The following CCDC198 variants were observed in gnomAD, a reference collection of about 807,000 sequenced individuals.
The protein encoded by CCDC198 is coiled-coil domain containing 198.
A neutral mutation model predicts 35.6 loss-of-function variants in CCDC198; 18 were observed. The observed-to-expected ratio is 0.51, with a 90% confidence interval of 0.35 to 0.75. The LOEUF is 0.75. Among genes scored for constraint, CCDC198 ranks in the 30% least tolerant of loss-of-function variants. The pLI is 0.01. For missense variants in CCDC198, 365 were observed against 343.7 expected (o/e 1.06, Z -0.49); for synonymous variants, 119 against 113.4 (o/e 1.05, Z -0.31).
chr14:57,485,330 G>C (rs1295972503), intron 2 of CCDC198, among the ~76,000 whole-genome samples: 3 of 152,110 alleles, frequency 2.0e-5, no homozygotes, highest in African/African-American at 4.8e-5. Flanking sequence ...CTGGTGCCCA[G>C]GAATAAGCTG....
intron 1 of CCDC198, 45 bp downstream of exon 1, chr14:57,493,448 T>C (rs1207552894): frequency 1.4e-6 from 2 of 1,480,616 alleles, no homozygotes; most frequent in Non-Finnish European, 1.9e-6. Context: ...TTAATAATGC[T>C]CCTTGGTCCA....
intron 3 of CCDC198, 84 bp downstream of exon 3, chr14:57,482,981 G>T (rs538009337): frequency 2.5e-6 from 4 of 1,583,758 alleles, no homozygotes; most frequent in Non-Finnish European, 3.5e-6. Context: ...GAGAGTGCAT[G>T]AAAGGACCAG....
Position 57,490,972 on chromosome 14 carries a change from T to A in CCDC198, c.306+17A>T, listed in dbSNP as rs768335826. On this transcript the variant is annotated intron_variant, in intron 2 of 5. Transcript: ENST00000216445. ...TATCCAAGAAATTCCTTATGAAGCC[T>A]TTTAAATTCATCTTACTTGAAGTCT... 6.5e-7 allele frequency: 1 copy of A among 1,541,156 alleles called. No individual in the cohort carries two copies. Among genetic ancestry groups the A allele is most frequent in the South Asian group, 1.1e-5 (1 of 88,254 alleles).
intron 5 of CCDC198, among the ~76,000 whole-genome samples, chr14:57,472,887 A>C (rs1378909030): frequency 6.6e-6 from 1 of 152,230 alleles, no homozygotes; most frequent in Non-Finnish European, 1.5e-5. Context: ...GTCAAAGCCC[A>C]GAGTTTCCCA....
At chr14:57,481,824 T>A (rs1366125842) in intron 3 of CCDC198, among the ~76,000 whole-genome samples, 164 bp from the exon 4 acceptor site, 1 of 152,256 alleles carries the variant, frequency 6.6e-6, no homozygotes, top group African/African-American at 2.4e-5. Context: ...TGACAAGTCC[T>A]TTGTGTCACT....
rs371107176 is a variant in CCDC198, at chr14:57,483,054, C to T, written c.393+11G>A. ...AGTTCACCTCCCTGTCAGGTTACTG[C>T]TGCAGCTCACCTTTGCTTTGTGCAT... On this transcript the variant is annotated intron_variant, in intron 3 of 5. Transcript: ENST00000216445. The T allele has an allele frequency of 1.2e-6, 2 of 1,613,882 alleles. No individual in the cohort carries two copies. The highest frequency in any genetic ancestry group is 1.3e-5 in the African/African-American group (1 of 74,918).
chr14:57,483,817 T>C (rs561136053), intron 2 of CCDC198, among the ~76,000 whole-genome samples: 1 of 152,314 alleles, frequency 6.6e-6, no homozygotes, highest in Admixed American at 6.5e-5. Context: ...AGACAAAGTC[T>C]GGTCTCTTGA....
At chr14:57,477,292 A>C (rs1359114372) in intron 5 of CCDC198, among the ~76,000 whole-genome samples, 1 of 152,220 alleles carries the variant, frequency 6.6e-6, no homozygotes, top group Non-Finnish European at 1.5e-5. Context: ...CTCTATCATC[A>C]AACAAATTTC....
chr14:57,480,025 C>T (rs1251031001), intron 5 of CCDC198, among the ~76,000 whole-genome samples: 1 of 152,170 alleles, frequency 6.6e-6, no homozygotes, highest in Non-Finnish European at 1.5e-5. Flanking sequence ...ATCAGCAGGG[C>T]TTGGTGACCG....
Position 57,475,707 on chromosome 14 carries a change from T to TAA in CCDC198, c.656-4119_656-4118dup, listed in dbSNP as rs35649947. On this transcript the variant is annotated intron_variant, in intron 5 of 5. Transcript: ENST00000216445. Reference sequence around the variant, plus strand: ...GGGTAACAGGAGCGAAACTCTGTCTTAAAAAAAAAAAAAAAAGACATCAAT... The same window carrying TAA: ...GGGTAACAGGAGCGAAACTCTGTCTTAAAAAAAAAAAAAAAAAAGACATCAAT... 1,207 of 360,674 alleles carry TAA rather than the reference T, an allele frequency of 3.3e-3. 1 individual carries two copies. Among genetic ancestry groups the TAA allele is most frequent in the Non-Finnish European group, 4.2e-3 (791 of 189,106 alleles). The allele number at this position is 360,674 out of a possible 1,614,324, so 22.3% of individuals were successfully genotyped here. A position where few individuals can be genotyped will look rare whatever the true frequency, so the allele number is the denominator to read the frequency against.
chr14:57,486,985 T>G (rs1433650877), intron 2 of CCDC198, among the ~76,000 whole-genome samples: 2 of 152,180 alleles, frequency 1.3e-5, no homozygotes, highest in Non-Finnish European at 2.9e-5. Context: ...CTGGGATCTC[T>G]TCATTAAATC....
chr14:57,492,198 G>A (rs778618927), intron 1 of CCDC198, among the ~76,000 whole-genome samples: 8 of 152,020 alleles, frequency 5.3e-5, no homozygotes, highest in Admixed American at 3.3e-4. Flanking sequence ...AATTGATGAA[G>A]TAACTTGCCC....
chr14:57,478,910 C>G (rs978212703), intron 5 of CCDC198: 7 of 1,252,254 alleles, frequency 5.6e-6, no homozygotes, highest in Non-Finnish European at 7.2e-6. Flanking sequence ...GAGACATAGC[C>G]AGCTTTTCTG....
chr14:57,477,155 A>G, intron 5 of CCDC198, among the ~76,000 whole-genome samples: 1 of 152,270 alleles, frequency 6.6e-6, no homozygotes, highest in East Asian at 1.9e-4. Context: ...TAAAATTCTT[A>G]GAAGCACTTG....
chr14:57,475,106 A>G (rs546529570), intron 5 of CCDC198, among the ~76,000 whole-genome samples: 8 of 151,496 alleles, frequency 5.3e-5, no homozygotes, highest in African/African-American at 1.5e-4. Context: ...CTAAAAATAC[A>G]AAAAATTAGC....
At chr14:57,471,803 A>G (rs2066829944) in intron 5 of CCDC198, among the ~76,000 whole-genome samples, 1 of 150,534 alleles carries the variant, frequency 6.6e-6, no homozygotes, top group African/African-American at 2.4e-5. Context: ...TTTTTAAATG[A>G]TTTAAATCTT....
At chr14:57,488,053 G>A (rs965146258) in intron 2 of CCDC198, among the ~76,000 whole-genome samples, 4 of 152,042 alleles carry the variant, frequency 2.6e-5, no homozygotes, top group African/African-American at 7.2e-5. Context: ...AAGCTGAGCC[G>A]ATATCCTTTC....
At chr14:57,489,315 G>A (rs1244633369) in intron 2 of CCDC198, among the ~76,000 whole-genome samples, 2 of 152,084 alleles carry the variant, frequency 1.3e-5, no homozygotes, top group East Asian at 1.9e-4. Flanking sequence ...ATAAGTGGGA[G>A]CTGAACAATG....
Position 57,480,652 on chromosome 14 carries a change from T to C in CCDC198, c.598A>G (p.Asn200Asp), listed in dbSNP as rs771120243. The change falls in exon 5 of 6, where the codon AAT (asparagine) becomes GAT (aspartate). Residue 200 changes from asparagine to aspartate, a missense_variant. Transcript: ENST00000216445. ...ATGGTTAGAAGGTCATGGTCATCAT[T>C]CCTTGGGGTGCTTTGAAGGGTTTTC... ...AKKTLQSTPR[N>D]DDHDLLTMLP... is the part of the protein sequence containing the mutation. 6.2e-7 allele frequency: 1 copy of C among 1,614,192 alleles called. No homozygotes were observed. Among genetic ancestry groups the C allele is most frequent in the Admixed American group, 1.7e-5 (1 of 60,034 alleles).
Sources: allele counts gnomAD v4.1 joint callset (sites outside exome capture counted in the v4.1 genomes callset), GRCh38; gene constraint gnomAD v4.1.1; transcripts MANE v1.5; gene names NCBI Gene and HGNC (gene_info 2026-07-23, HGNC 2026-07-21).